The following FBXW7 variants were observed in gnomAD, a reference collection of about 807,000 sequenced individuals.
The protein encoded by FBXW7 is F-box and WD repeat domain containing 7.
FBXW7 carries 11 observed loss-of-function variants against 86.3 expected under a neutral mutation model. The ratio of observed to expected loss-of-function variants is 0.13; its 90% CI spans 0.08 to 0.21. FBXW7 has a LOEUF of 0.21. Among genes scored for constraint, FBXW7 ranks in the 10% least tolerant of loss-of-function variants. The pLI is 1.00. For synonymous variants in FBXW7, 313 were observed against 297.9 expected (o/e 1.05, Z -0.52); for missense variants, 488 against 847.4 (o/e 0.58, Z 5.27).
At chr4:152,392,659 T>C (rs1404254092) in intron 4 of FBXW7, among the ~76,000 whole-genome samples, 1 of 152,138 alleles carries the variant, frequency 6.6e-6, no homozygotes, top group Non-Finnish European at 1.5e-5. Context: ...TTGACGGTGA[T>C]TGGTCAGGTG....
intron 2 of FBXW7, among the ~76,000 whole-genome samples, chr4:152,526,329 C>G (rs1299826834): frequency 6.6e-6 from 1 of 152,088 alleles, no homozygotes; most frequent in African/African-American, 2.4e-5. Context: ...CATACCAAAA[C>G]TGTTCTCAAC....
intron 2 of FBXW7, among the ~76,000 whole-genome samples, chr4:152,501,758 C>A (rs773252339): frequency 1.4e-4 from 22 of 152,030 alleles, no homozygotes; most frequent in Non-Finnish European, 2.2e-4. Flanking sequence ...AGCTATTAAA[C>A]AAAATTACTC....
chr4:152,479,850 C>T lies in FBXW7; in HGVS notation c.-120+55091G>A, dbSNP rs147641274. ...CAGAATAATTGGGCACCACTGCATACGTATCATGTTCACAGCACTCTTACA... is the reference window on the plus strand; with the variant it reads ...CAGAATAATTGGGCACCACTGCATATGTATCATGTTCACAGCACTCTTACA... On this transcript the variant is annotated intron_variant, in intron 2 of 13. Transcript: ENST00000281708. 1.5e-4 allele frequency among the ~76,000 whole-genome samples: 23 copies of T among 152,274 alleles called. No individual in the cohort carries two copies. The East Asian group carries it at 4.0e-3, about 27-fold the overall frequency.
intron 2 of FBXW7, among the ~76,000 whole-genome samples, chr4:152,515,927 A>G (rs1194102143): frequency 1.3e-5 from 2 of 152,226 alleles, no homozygotes; most frequent in Non-Finnish European, 1.5e-5. Flanking sequence ...CATGGCAAGA[A>G]CATGGTGGCG....
rs11457603 is a variant in FBXW7 at position 152,445,910 on chromosome 4, T to TAAAA, written c.-119-33385_-119-33382dup. ...GGGTGACACAGCAAGACTCTGTCTT[T>TAAAA]AAAAAAAAAAAAAAAAAAAAAAAAA... On this transcript the variant is annotated intron_variant, in intron 2 of 13. Transcript: ENST00000281708. Among the ~76,000 whole-genome samples, 896 of 100,510 alleles carry TAAAA rather than the reference T, an allele frequency of 8.9e-3. 20 individuals are homozygous for TAAAA. Among genetic ancestry groups the TAAAA allele is most frequent in the Non-Finnish European group, 0.014 (590 of 43,700 alleles). The allele number at this position is 100,510 out of a possible 152,430, so 65.9% of individuals were successfully genotyped here.
At chr4:152,491,058 T>C (rs145606682) in intron 2 of FBXW7, among the ~76,000 whole-genome samples, 93 of 152,244 alleles carry the variant, frequency 6.1e-4, no homozygotes, top group Admixed American at 8.5e-4. Context: ...GGAAGAAGCA[T>C]AATAAAGCTC....
intron 4 of FBXW7, among the ~76,000 whole-genome samples, chr4:152,366,937 T>C (rs1055083114): frequency 2.0e-5 from 3 of 152,178 alleles, no homozygotes; most frequent in Admixed American, 6.6e-5. Flanking sequence ...CATGGAATAC[T>C]ATGCAGCCAT....
At chr4:152,328,544 T>C (rs1335178187) in intron 10 of FBXW7, 155 bp from the exon 11 acceptor site, 1 of 480,928 alleles carries the variant, frequency 2.1e-6, no homozygotes, top group Non-Finnish European at 3.6e-6. Context: ...CCCATCACTA[T>C]TTATTGTTTT....
intron 10 of FBXW7, 106 bp from the exon 11 acceptor site, chr4:152,328,495 T>C: frequency 1.4e-6 from 1 of 713,338 alleles, no homozygotes; most frequent in Non-Finnish European, 2.2e-6. Flanking sequence ...ATTTAATTTG[T>C]TTGGCTCTTC....
chr4:152,357,318 G>GTTTTTT (rs527717602), intron 4 of FBXW7, among the ~76,000 whole-genome samples: 1 of 150,724 alleles, frequency 6.6e-6, no homozygotes, highest in African/African-American at 2.4e-5. Context: ...AGAAGTAGTA[G>GTTTTTT]TTTTTTCTTT....
chr4:152,527,901 C>CACACACACATAT (rs71596295), intron 2 of FBXW7, among the ~76,000 whole-genome samples: 4 of 149,188 alleles, frequency 2.7e-5, no homozygotes, highest in African/African-American at 7.4e-5. Context: ...CACACACACA[C>CACACACACATAT]ATATATATAC....
At chr4:152,334,983 C>T (rs1278048083) in intron 7 of FBXW7, among the ~76,000 whole-genome samples, 2 of 152,092 alleles carry the variant, frequency 1.3e-5, no homozygotes, top group Admixed American at 6.5e-5. Context: ...CACAAATACG[C>T]TGTCAACAAG....
intron 4 of FBXW7, among the ~76,000 whole-genome samples, chr4:152,375,834 G>T (rs930424883): frequency 2.0e-5 from 3 of 152,104 alleles, no homozygotes; most frequent in African/African-American, 7.2e-5. Flanking sequence ...ATCTAAAGAA[G>T]TTCACACTCC....
At chr4:152,448,451 C>T (rs1478641571) in intron 2 of FBXW7, among the ~76,000 whole-genome samples, 3 of 152,112 alleles carry the variant, frequency 2.0e-5, no homozygotes, top group Non-Finnish European at 2.9e-5. Context: ...TATGTAGTTA[C>T]CTTTGGTTGC....
At position 152,535,884 on chromosome 4, in the gene FBXW7, G is replaced by C. The variant is rs940176377; in HGVS notation, c.-970C>G. 5 of 369,370 alleles carry C rather than the reference G, an allele frequency of 1.4e-5. No homozygotes were observed. The highest frequency in any genetic ancestry group is 4.6e-5 in the Admixed American group (1 of 21,566). 22.9% of individuals were successfully genotyped at this position (369,370 alleles called of 1,614,324 possible). A position where few individuals can be genotyped will look rare whatever the true frequency, so the allele number is the denominator to read the frequency against. On this transcript the variant is annotated 5_prime_UTR_variant, in exon 1 of 14. Coordinates refer to ENST00000281708, the MANE Select transcript of FBXW7 (RefSeq NM_001349798.2). ...CCGCCGCTGCCGGCCGGGAAGGTGAGGGGGGGAAAGGAGTGCGGCCGCGGC... is the reference window on the plus strand; with the variant it reads ...CCGCCGCTGCCGGCCGGGAAGGTGACGGGGGGAAAGGAGTGCGGCCGCGGC...
chr4:152,394,795 G>C (rs986270784), intron 4 of FBXW7, among the ~76,000 whole-genome samples: 1 of 152,034 alleles, frequency 6.6e-6, no homozygotes, highest in African/African-American at 2.4e-5. Context: ...CTATGTGGTA[G>C]ATGCTACTAC....
At chr4:152,356,903 T>C (rs576440022) in intron 4 of FBXW7, among the ~76,000 whole-genome samples, 9 of 152,330 alleles carry the variant, frequency 5.9e-5, no homozygotes, top group African/African-American at 2.2e-4. Flanking sequence ...CTACTTTGTG[T>C]TGGGCACAGA....
At chr4:152,400,546 T>G (rs1736834431) in intron 4 of FBXW7, among the ~76,000 whole-genome samples, 1 of 151,684 alleles carries the variant, frequency 6.6e-6, no homozygotes, top group Admixed American at 6.6e-5. Flanking sequence ...GAGGTCTCAG[T>G]ATGTTGCCCA....
chr4:152,504,608 A>C (rs1747243366), intron 2 of FBXW7, among the ~76,000 whole-genome samples: 1 of 152,172 alleles, frequency 6.6e-6, no homozygotes, highest in South Asian at 2.1e-4. Flanking sequence ...AATATTACAG[A>C]AAAATTATTT....
Sources: gnomAD v4.1 joint callset for allele counts (sites outside exome capture counted in the v4.1 genomes callset) on GRCh38, gnomAD v4.1.1 for gene constraint, MANE v1.5 for transcripts, NCBI Gene and HGNC (gene_info 2026-07-23, HGNC 2026-07-21) for gene names.